Variants in GRAMD4 observed in about 807,000 individuals in gnomAD.
GRAMD4 encodes GRAM domain-containing protein 4.
In GRAMD4, 25 loss-of-function variants were observed where a neutral mutation model predicts 83.9. The observed-to-expected ratio is 0.30, with a 90% confidence interval of 0.22 to 0.42. GRAMD4 has a LOEUF of 0.42. Among genes scored for constraint, GRAMD4 ranks in the 10% least tolerant of loss-of-function variants. The pLI, the probability that GRAMD4 is intolerant of heterozygous loss-of-function variation, is 1.00. For missense variants in GRAMD4, 593 were observed against 788.7 expected (o/e 0.75, Z 2.97); for synonymous variants, 336 against 320.9 (o/e 1.05, Z -0.50).
intron 3 of GRAMD4, among the ~76,000 whole-genome samples, chr22:46,640,104 G>A (rs1243050379): frequency 6.6e-6 from 1 of 152,228 alleles, no homozygotes; most frequent in Non-Finnish European, 1.5e-5. Flanking sequence ...TATTTGGCCT[G>A]GAGAGCATAG....
upstream of GRAMD4, among the ~76,000 whole-genome samples, chr22:46,616,807 T>C (rs1424598580): frequency 1.7e-4 from 21 of 123,658 alleles, no homozygotes; most frequent in South Asian, 3.0e-4. Flanking sequence ...TTCCCCTGTG[T>C]GTGTAGGTTC....
At chr22:46,636,080 G>T (rs1219439283) in intron 2 of GRAMD4, among the ~76,000 whole-genome samples, 3 of 152,216 alleles carry the variant, frequency 2.0e-5, no homozygotes, top group African/African-American at 7.2e-5. Flanking sequence ...CCCAGCTGGG[G>T]TCCTAGTCTG....
intron 3 of GRAMD4, among the ~76,000 whole-genome samples, chr22:46,649,563 A>G (rs959693349): frequency 6.6e-6 from 1 of 152,178 alleles, no homozygotes; most frequent in African/African-American, 2.4e-5. Flanking sequence ...TCCACCTTAG[A>G]TCCTGCATTG....
intron 1 of GRAMD4, among the ~76,000 whole-genome samples, chr22:46,606,783 G>A (rs138544): frequency 0.27 from 41,347 of 152,240 alleles, 6,251 homozygotes; most frequent in Non-Finnish European, 0.35. Context: ...ACGGGCACTC[G>A]GGTTATTTCC....
chr22:46,612,677 G>A (rs865886872), intron 1 of GRAMD4, among the ~76,000 whole-genome samples: 1 of 152,232 alleles, frequency 6.6e-6, no homozygotes, highest in African/African-American at 2.4e-5. Flanking sequence ...CGAGGGTTAG[G>A]ACTGGCTTGA....
At chr22:46,577,752 G>C (rs1458743668) in intron 1 of GRAMD4, among the ~76,000 whole-genome samples, 2 of 152,218 alleles carry the variant, frequency 1.3e-5, no homozygotes, top group Non-Finnish European at 2.9e-5. Flanking sequence ...TCTCCAAAAA[G>C]TTGTGGGCGC....
At chr22:46,625,402 T>C (rs1160989863) in intron 1 of GRAMD4, among the ~76,000 whole-genome samples, 5 of 152,202 alleles carry the variant, frequency 3.3e-5, no homozygotes, top group Non-Finnish European at 5.9e-5. Context: ...CTGACCTTGC[T>C]CTCAGTGCTT....
chr22:46,660,761 T>G (rs2082314930), intron 4 of GRAMD4, among the ~76,000 whole-genome samples: 1 of 152,172 alleles, frequency 6.6e-6, no homozygotes, highest in South Asian at 2.1e-4. Context: ...CAGGGTTTAC[T>G]CCTCCCCCAG....
chr22:46,650,301 T>C (rs1198325312), intron 3 of GRAMD4, among the ~76,000 whole-genome samples: 2 of 151,748 alleles, frequency 1.3e-5, no homozygotes, highest in East Asian at 1.9e-4. Context: ...AACTTCCCTG[T>C]GCGCTGAGTG....
At chr22:46,577,722 C>T (rs1225537022) in intron 1 of GRAMD4, among the ~76,000 whole-genome samples, 1 of 152,176 alleles carries the variant, frequency 6.6e-6, no homozygotes, top group Non-Finnish European at 1.5e-5. Context: ...GCCCCAGCCC[C>T]TGCTTCCCTA....
chr22:46,677,787 A>C lies in GRAMD4; in HGVS notation c.*536A>C. Reference sequence around the variant, plus strand: ...GCCTGGCGGCCCTCCTTCCTCTTACATGAGACCCTCCTGTGGCATTTGCCC... The same window carrying C: ...GCCTGGCGGCCCTCCTTCCTCTTACCTGAGACCCTCCTGTGGCATTTGCCC... On this transcript the variant is annotated 3_prime_UTR_variant, in exon 19 of 19. Transcript: ENST00000406902. 3.0e-6 allele frequency: 3 copies of C among 984,796 alleles called. No homozygotes were observed. The highest frequency in any genetic ancestry group is 3.6e-6 in the Non-Finnish European group (3 of 830,106). 61.0% of individuals were successfully genotyped at this position (984,796 alleles called of 1,614,324 possible). A position where few individuals can be genotyped will look rare whatever the true frequency, so the allele number is the denominator to read the frequency against.
intron 1 of GRAMD4, among the ~76,000 whole-genome samples, chr22:46,612,214 C>G (rs966173301): frequency 8.5e-5 from 13 of 152,146 alleles, no homozygotes; most frequent in African/African-American, 2.9e-4. Flanking sequence ...GCCGTGTTGT[C>G]TGGGCTGGTC....
intron 9 of GRAMD4, 58 bp downstream of exon 9, chr22:46,665,764 C>T: frequency 3.3e-6 from 3 of 920,960 alleles, no homozygotes; most frequent in Non-Finnish European, 5.4e-6. Flanking sequence ...GCTGTGCTGT[C>T]TCCCTGCGTC....
chr22:46,652,579 G>T (rs62233626), intron 3 of GRAMD4, among the ~76,000 whole-genome samples: 2 of 152,190 alleles, frequency 1.3e-5, no homozygotes, highest in Middle Eastern at 3.2e-3. Context: ...CCACCCTGCA[G>T]GACACCTTGG....
chr22:46,613,259 T>C (rs2081435453), intron 1 of GRAMD4, among the ~76,000 whole-genome samples: 1 of 152,160 alleles, frequency 6.6e-6, no homozygotes, highest in African/African-American at 2.4e-5. Context: ...CTGTCCGAGG[T>C]CACACAGCTG....
At chr22:46,657,469 C>T (rs1386028465) in intron 3 of GRAMD4, among the ~76,000 whole-genome samples, 1 of 152,206 alleles carries the variant, frequency 6.6e-6, no homozygotes, top group Non-Finnish European at 1.5e-5. Context: ...AGTGTCCTGA[C>T]TGCCAGAGGC....
intron 1 of GRAMD4, among the ~76,000 whole-genome samples, chr22:46,594,932 G>A (rs1392218583): frequency 6.6e-6 from 1 of 152,108 alleles, no homozygotes; most frequent in Non-Finnish European, 1.5e-5. Context: ...TCCGCTGCTG[G>A]TAACCAGTGC....
upstream of GRAMD4, among the ~76,000 whole-genome samples, chr22:46,617,280 G>A (rs1383164610): frequency 7.3e-5 from 11 of 150,734 alleles, no homozygotes; most frequent in Non-Finnish European, 1.5e-4. Flanking sequence ...GTTCCCCCGT[G>A]TGTAGGTTCT....
intron 1 of GRAMD4, chr22:46,577,416 C>CGCCGCA (rs2081053145): frequency 2.0e-6 from 1 of 502,036 alleles, no homozygotes; most frequent in African/African-American, 2.1e-5. Flanking sequence ...CCGCCGCCGC[C>CGCCGCA]CGGGCCCGAG....
Sources: allele counts gnomAD v4.1 joint callset (sites outside exome capture counted in the v4.1 genomes callset), GRCh38; gene constraint gnomAD v4.1.1; transcripts MANE v1.5; gene names NCBI Gene and HGNC (gene_info 2026-07-23, HGNC 2026-07-21).